The following ZHX3 variants were observed in gnomAD, a reference collection of about 807,000 sequenced individuals.
ZHX3 encodes zinc fingers and homeoboxes 3, also known as zinc fingers and homeoboxes protein 3.
ZHX3 carries 20 observed loss-of-function variants against 64.5 expected under a neutral mutation model. The ratio of observed to expected loss-of-function variants is 0.31; its 90% CI spans 0.22 to 0.45. The LOEUF (loss-of-function observed/expected upper bound fraction) is 0.45. Among genes scored for constraint, ZHX3 ranks in the 20% least tolerant of loss-of-function variants. ZHX3 has a pLI of 1.00. For synonymous variants in ZHX3, 423 were observed against 461.6 expected (o/e 0.92, Z 1.07); for missense variants, 1,041 against 1,195.8 (o/e 0.87, Z 1.91).
At chr20:41,263,711 T>A (rs546528641) in intron 2 of ZHX3, among the ~76,000 whole-genome samples, 95 of 152,094 alleles carry the variant, frequency 6.2e-4, no homozygotes, top group Non-Finnish European at 1.0e-3. Flanking sequence ...GGATTTTTTT[T>A]TAAAAAAGAA....
At chr20:41,213,297 T>TA (rs2039295605) in intron 2 of ZHX3, among the ~76,000 whole-genome samples, 1 of 152,166 alleles carries the variant, frequency 6.6e-6, no homozygotes, top group Admixed American at 6.5e-5. Flanking sequence ...CTGAATATGA[T>TA]AAAAACCTCA....
chr20:41,198,564 G>C (rs564478432), intron 3 of ZHX3, among the ~76,000 whole-genome samples: 1 of 151,294 alleles, frequency 6.6e-6, no homozygotes, highest in Non-Finnish European at 1.5e-5. Context: ...ATGAGGAATC[G>C]GCTGTTAATC....
Position 41,250,807 on chromosome 20 carries a change from C to T in ZHX3, c.-151+18183G>A, listed in dbSNP as rs184644080. Among the ~76,000 whole-genome samples the T allele has an allele frequency of 1.5e-3, 231 of 152,214 alleles. 1 individual carries two copies. Among genetic ancestry groups the T allele is most frequent in the African/African-American group, 5.1e-3 (210 of 41,530 alleles). ...CTTGAAAGCAGAGAAAAACAACATA[C>T]TACCTATAAGGGAATATCAAGCGAC... On this transcript the variant is annotated intron_variant, in intron 2 of 3. Transcript: ENST00000683867.
Position 41,253,741 on chromosome 20 carries a change from A to G in ZHX3, c.-151+15249T>C, listed in dbSNP as rs73123212. On this transcript the variant is annotated intron_variant, in intron 2 of 3. Transcript: ENST00000683867. Reference sequence around the variant, plus strand: ...TCTTACTTCCAAAGAAAAAACCTATAAACAAATAATTACCTCTACTTAGCG... The same window carrying G: ...TCTTACTTCCAAAGAAAAAACCTATGAACAAATAATTACCTCTACTTAGCG... 4.0e-3 allele frequency among the ~76,000 whole-genome samples: 604 copies of G among 152,282 alleles called. 8 individuals are homozygous for G. The highest frequency in any genetic ancestry group is 0.023 in the East Asian group (117 of 5,188).
chr20:41,195,714 C>T lies in ZHX3; in HGVS notation c.2860+6343G>A, dbSNP rs572556705. Among the ~76,000 whole-genome samples, 9 of 152,312 alleles carry T rather than the reference C, an allele frequency of 5.9e-5. No homozygotes were observed. In the East Asian group the frequency reaches 9.6e-4, roughly 16 times the overall value. ...TACAGGCATAAGCCACTGCGCCCAG[C>T]GTAAGTTCTCTTTTAATGTATGCAT... On this transcript the variant is annotated intron_variant, in intron 3 of 3. Transcript: ENST00000683867. The surrounding 1 kb of genome is among the most constrained non-coding windows in gnomAD (Gnocchi z 4.2).
chr20:41,313,878 G>A (rs533017789), intron 1 of ZHX3, among the ~76,000 whole-genome samples: 11 of 152,172 alleles, frequency 7.2e-5, no homozygotes, highest in Non-Finnish European at 1.5e-4. Flanking sequence ...TTACAGGCAT[G>A]AGCCACCACG....
intron 2 of ZHX3, among the ~76,000 whole-genome samples, chr20:41,237,463 A>C (rs2041085228): frequency 6.6e-6 from 1 of 152,314 alleles, no homozygotes; most frequent in South Asian, 2.1e-4. Flanking sequence ...GTCCTTTGTA[A>C]GGACATAGAT....
intron 2 of ZHX3, among the ~76,000 whole-genome samples, chr20:41,207,412 C>T (rs2038805929): frequency 6.6e-6 from 1 of 152,204 alleles, no homozygotes; most frequent in African/African-American, 2.4e-5. Flanking sequence ...CACCACAGCA[C>T]ACTTACTCCA....
At chr20:41,312,480 G>A (rs892646928) in intron 1 of ZHX3, among the ~76,000 whole-genome samples, 3 of 152,128 alleles carry the variant, frequency 2.0e-5, no homozygotes, top group Non-Finnish European at 2.9e-5. Flanking sequence ...ACAAAGGTCC[G>A]CAGCTCCTTT....
chr20:41,225,269 A>C (rs2040189745), intron 2 of ZHX3, among the ~76,000 whole-genome samples: 1 of 152,222 alleles, frequency 6.6e-6, no homozygotes, highest in Non-Finnish European at 1.5e-5. Context: ...ATGATTTAGC[A>C]TGCTGTCTGA....
chr20:41,296,372 A>C (rs2044528949), intron 1 of ZHX3, among the ~76,000 whole-genome samples: 1 of 151,994 alleles, frequency 6.6e-6, no homozygotes, highest in African/African-American at 2.4e-5. Context: ...TAAGAGAAAT[A>C]TCCAAATACT....
chr20:41,315,143 T>C (rs115049100), intron 1 of ZHX3, among the ~76,000 whole-genome samples: 73 of 152,248 alleles, frequency 4.8e-4, no homozygotes, highest in African/African-American at 1.5e-3. Flanking sequence ...ACCAGAGTTC[T>C]AGGCGGAGGG....
At position 41,179,435 on chromosome 20, in the gene ZHX3, A is replaced by G. The variant is rs2036165368; in HGVS notation, c.*5756T>C. ...CCAAGCAAACTGCAAGAACGAGACC[A>G]AACAGTATGGGCAGGAACCAGGGAT... On this transcript the variant is annotated 3_prime_UTR_variant, in exon 4 of 4. Transcript: ENST00000683867. This position sits in a 1 kb window ranked among gnomAD's most constrained non-coding sequence, Gnocchi z 4.3. 6.6e-6 allele frequency: 1 copy of G among 152,160 alleles called. No homozygotes were observed. Among genetic ancestry groups the G allele is most frequent in the East Asian group, 1.9e-4 (1 of 5,188 alleles). The allele number at this position is 152,160 out of a possible 1,614,324, so 9.4% of individuals were successfully genotyped here.
At position 41,202,888 on chromosome 20, in the gene ZHX3, C is replaced by T. The variant is rs1399169656; in HGVS notation, c.2029G>A (p.Glu677Lys). 1.9e-6 allele frequency: 3 copies of T among 1,614,192 alleles called. No homozygotes were observed. The highest frequency in any genetic ancestry group is 2.5e-6 in the Non-Finnish European group (3 of 1,180,040). Residue 677 changes from glutamate to lysine, a missense_variant, in exon 3 of 4, where the codon GAG becomes AAG. This residue lies in a region of ZHX3 where 649 missense variants were observed against 739.8 expected (regional missense o/e 0.88). Coordinates refer to ENST00000683867, the MANE Select transcript of ZHX3 (RefSeq NM_001384317.1). The surrounding 1 kb of genome is among the most constrained non-coding windows in gnomAD (Gnocchi z 7.0). ...TCCTCTTCCTCCTGAGAGGCATTCT[C>T]CTCAGCCTTCTTGGTCTCCTCAGCA... ...VNAEETKKAE[E>K]NASQEEEEAA...
chr20:41,237,699 C>T lies in ZHX3; in HGVS notation c.-151+31291G>A, dbSNP rs528724236. Among the ~76,000 whole-genome samples, 11 of 152,176 alleles carry T rather than the reference C, an allele frequency of 7.2e-5. No individual in the cohort carries two copies. The South Asian group carries it at 2.3e-3, about 32-fold the overall frequency. The stretch of plus-strand genomic sequence containing the variant: ...TAATGGGTGCAGCACACCAACATGG[C>T]ACATGTATATGTAACAAACCTGCAC... On this transcript the variant is annotated intron_variant, in intron 2 of 3. Transcript: ENST00000683867.
intron 1 of ZHX3, among the ~76,000 whole-genome samples, chr20:41,279,020 G>T (rs2146675733): frequency 6.6e-6 from 1 of 152,186 alleles, no homozygotes; most frequent in East Asian, 1.9e-4. Context: ...CTCGTGATTT[G>T]CCCACCTCGG....
In ZHX3 at chr20:41,202,189, T is replaced by G. The variant is rs1192036483; in HGVS notation, c.2728A>C (p.Thr910Pro). ...TCACCCATCCCTTTGTGAACTGCTG[T>G]GAGCTCACCAGTACCAGGGCCCTGG... ...EDQGPGTGEL[T>P]AVHKGMGDTY... The change falls in exon 3 of 4, where the codon ACA becomes CCA. Residue 910 changes from threonine to proline, a missense_variant. This residue lies in a region of ZHX3 where 649 missense variants were observed against 739.8 expected (regional missense o/e 0.88). Transcript: ENST00000683867. This position sits in a 1 kb window ranked among gnomAD's most constrained non-coding sequence, Gnocchi z 7.0. 9 of 1,614,064 alleles carry G rather than the reference T, an allele frequency of 5.6e-6. No homozygotes were observed. Among genetic ancestry groups the G allele is most frequent in the African/African-American group, 2.7e-5 (2 of 74,926 alleles).
At chr20:41,271,684 CTAGCT>C (rs1402718528) in intron 1 of ZHX3, among the ~76,000 whole-genome samples, 2 of 152,192 alleles carry the variant, frequency 1.3e-5, no homozygotes, top group Non-Finnish European at 2.9e-5. Flanking sequence ...CAAAACACTT[CTAGCT>C]TTCTGAGTAA....
chr20:41,246,660 G>A (rs999559256), intron 2 of ZHX3, among the ~76,000 whole-genome samples: 3 of 151,914 alleles, frequency 2.0e-5, no homozygotes, highest in Non-Finnish European at 4.4e-5. Flanking sequence ...AACACTTGAG[G>A]TCAGGAGTTT....
Sources: gnomAD v4.1 joint callset for allele counts (sites outside exome capture counted in the v4.1 genomes callset) on GRCh38, gnomAD v4.1.1 for gene constraint, gnomAD v4.1.1 regional missense constraint, Gnocchi (gnomAD v3.1) non-coding constraint, MANE v1.5 for transcripts, NCBI Gene and HGNC (gene_info 2026-07-23, HGNC 2026-07-21) for gene names.